Variants in COL26A1 observed in about 807,000 individuals in gnomAD.
COL26A1 encodes collagen type XXVI alpha 1 chain, also known as collagen alpha-1(XXVI) chain.
COL26A1 carries 41 observed loss-of-function variants against 59.3 expected under a neutral mutation model. The ratio of observed to expected loss-of-function variants is 0.69; its 90% CI spans 0.54 to 0.90. The LOEUF is 0.90. Among genes scored for constraint, COL26A1 ranks in the 40% least tolerant of loss-of-function variants. COL26A1 has a pLI of 0.00. For synonymous variants in COL26A1, 266 were observed against 256.0 expected, an observed-to-expected ratio of 1.04 and a Z score of -0.37; for missense variants, 612 against 602.3, an observed-to-expected ratio of 1.02 and a Z score of -0.17.
At chr7:101,390,286 G>A (rs986851883) in intron 1 of COL26A1, among the ~76,000 whole-genome samples, 2 of 151,290 alleles carry the variant, frequency 1.3e-5, no homozygotes, top group African/African-American at 4.9e-5. Context: ...CTCCCGAGTA[G>A]CTGGAATTAC....
intron 2 of COL26A1, among the ~76,000 whole-genome samples, chr7:101,433,058 C>T (rs1420534699): frequency 2.0e-5 from 3 of 152,094 alleles, no homozygotes; most frequent in African/African-American, 7.2e-5. Flanking sequence ...CGTGGTGGCT[C>T]ACTCCTGTAA....
At chr7:101,460,933 C>T (rs867932005) in intron 3 of COL26A1, among the ~76,000 whole-genome samples, 1 of 152,262 alleles carries the variant, frequency 6.6e-6, no homozygotes, top group African/African-American at 2.4e-5. Context: ...CCAACCTCTG[C>T]GGCCAGGTCT....
intron 3 of COL26A1, among the ~76,000 whole-genome samples, chr7:101,507,598 T>C (rs1794839180): frequency 1.4e-5 from 2 of 147,054 alleles, no homozygotes; most frequent in Admixed American, 1.4e-4. Context: ...TTAGTGTTTG[T>C]AATAGAGATG....
chr7:101,557,192 A>G (rs1421647136), intron 12 of COL26A1, among the ~76,000 whole-genome samples, 178 bp from the exon 13 acceptor site: 1 of 152,104 alleles, frequency 6.6e-6, no homozygotes, highest in Non-Finnish European at 1.5e-5. Flanking sequence ...TGAGTGAATG[A>G]ATGGATGGAT....
At chr7:101,553,444 G>A (rs1159571623) in intron 11 of COL26A1, 68 bp downstream of exon 11, 1 of 1,502,186 alleles carries the variant, frequency 6.7e-7, no homozygotes, top group African/African-American at 1.4e-5. Context: ...GGGAGGGCAG[G>A]TGCCCCACAG....
intron 3 of COL26A1, among the ~76,000 whole-genome samples, chr7:101,519,611 A>G (rs1344281323): frequency 6.6e-6 from 1 of 152,144 alleles, no homozygotes; most frequent in African/African-American, 2.4e-5. Flanking sequence ...GGGACACTGA[A>G]CAGGGAGCGG....
chr7:101,513,784 A>G (rs552778506), intron 3 of COL26A1, among the ~76,000 whole-genome samples: 1 of 152,352 alleles, frequency 6.6e-6, no homozygotes, highest in Admixed American at 6.5e-5. Flanking sequence ...TTTTATGACA[A>G]AAGGCAGTGT....
At position 101,445,530 on chromosome 7, in the gene COL26A1, G is replaced by A. The variant is rs1793166290; in HGVS notation, c.282-2154G>A. Among the ~76,000 whole-genome samples the A allele has an allele frequency of 4.0e-5, 6 of 149,984 alleles. No individual in the cohort carries two copies. In the South Asian group the frequency reaches 1.3e-3, roughly 32 times the overall value. ...GCGGATCACGAGGTCAGGAGATCGAGACCATCCCGGCTAAAACGGTGAAAC... is the reference window on the plus strand; with the variant it reads ...GCGGATCACGAGGTCAGGAGATCGAAACCATCCCGGCTAAAACGGTGAAAC... On this transcript the variant is annotated intron_variant, in intron 2 of 12. Coordinates refer to ENST00000313669, the MANE Select transcript of COL26A1 (RefSeq NM_001278563.3).
chr7:101,513,742 A>T (rs1794973109), intron 3 of COL26A1, among the ~76,000 whole-genome samples: 1 of 152,170 alleles, frequency 6.6e-6, no homozygotes, highest in Admixed American at 6.5e-5. Flanking sequence ...CAATATGTGG[A>T]GTTAAAGGAA....
At chr7:101,496,078 C>T (rs115568827) in intron 3 of COL26A1, among the ~76,000 whole-genome samples, 1,792 of 152,138 alleles carry the variant, frequency 0.012, 46 homozygotes, top group African/African-American at 0.041. Flanking sequence ...GAGACCCTGT[C>T]TCAGGGAAAA....
At chr7:101,455,412 C>T (rs528267683) in intron 3 of COL26A1, among the ~76,000 whole-genome samples, 1 of 152,212 alleles carries the variant, frequency 6.6e-6, no homozygotes, top group East Asian at 1.9e-4. Context: ...TAGTATTACA[C>T]CTCTCACTTG....
chr7:101,431,198 A>T (rs904486476), intron 2 of COL26A1, among the ~76,000 whole-genome samples: 1 of 152,164 alleles, frequency 6.6e-6, no homozygotes, highest in South Asian at 2.1e-4. Context: ...TTGTTTGTTC[A>T]CAATAAAACA....
chr7:101,556,993 GTGGATGGATGGATGGA>G (rs72354212), intron 12 of COL26A1, among the ~76,000 whole-genome samples: 16 of 144,794 alleles, frequency 1.1e-4, no homozygotes, highest in East Asian at 2.1e-4. Flanking sequence ...GGATGGATGG[GTGGATGGATGGATGGA>G]TGGATGGATG....
At chr7:101,413,014 T>C (rs967972903) in intron 1 of COL26A1, among the ~76,000 whole-genome samples, 1 of 152,176 alleles carries the variant, frequency 6.6e-6, no homozygotes. Flanking sequence ...CCTGAAGATC[T>C]CTCTATCGCA....
Position 101,494,808 on chromosome 7 carries a change from C to T in COL26A1, c.386-38274C>T, listed in dbSNP as rs138975917. Among the ~76,000 whole-genome samples, 415 of 152,328 alleles carry T rather than the reference C, an allele frequency of 2.7e-3. 1 individual carries two copies. The highest frequency in any genetic ancestry group is 9.6e-3 in the African/African-American group (398 of 41,580). ...GTATGAACGTGACTTGGCTTGGTCC[C>T]GGCGCCATGGCTGGGAGCACAGGCT... On this transcript the variant is annotated intron_variant, in intron 3 of 12. Coordinates refer to ENST00000313669, the MANE Select transcript of COL26A1 (RefSeq NM_001278563.3).
At chr7:101,512,326 A>T (rs151002456) in intron 3 of COL26A1, among the ~76,000 whole-genome samples, 119 of 152,232 alleles carry the variant, frequency 7.8e-4, no homozygotes, top group African/African-American at 2.8e-3. Flanking sequence ...GGCTGGAAAA[A>T]ATCAAAACCT....
intron 1 of COL26A1, among the ~76,000 whole-genome samples, chr7:101,364,304 A>C (rs187103590): frequency 6.6e-6 from 1 of 152,026 alleles, no homozygotes; most frequent in Non-Finnish European, 1.5e-5. Context: ...GGAATGCACT[A>C]CCTGTGTCTG....
At position 101,394,719 on chromosome 7, in the gene COL26A1, G is replaced by A. The variant is rs189341739; in HGVS notation, c.159-25258G>A. ...ATTACAGGAATGAGCTGCTGCGCCC[G>A]GCCAACCACACTCTTTTCTCTCATC... On this transcript the variant is annotated intron_variant, in intron 1 of 12. Transcript: ENST00000313669. 9.0e-4 allele frequency among the ~76,000 whole-genome samples: 134 copies of A among 149,058 alleles called. 1 individual carries two copies. Among genetic ancestry groups the A allele is most frequent in the African/African-American group, 3.1e-3 (124 of 40,500 alleles).
At chr7:101,520,786 T>A (rs932185532) in intron 3 of COL26A1, among the ~76,000 whole-genome samples, 5 of 151,984 alleles carry the variant, frequency 3.3e-5, no homozygotes, top group Admixed American at 2.6e-4. Flanking sequence ...CCCCTTTATG[T>A]TTTTTCTGGA....
Sources: gnomAD v4.1 joint callset for allele counts (sites outside exome capture counted in the v4.1 genomes callset) on GRCh38, gnomAD v4.1.1 for gene constraint, MANE v1.5 for transcripts, NCBI Gene and HGNC (gene_info 2026-07-23, HGNC 2026-07-21) for gene names.